Variants in VAMP7 observed in about 807,000 individuals in gnomAD.
The protein encoded by VAMP7 is vesicle associated membrane protein 7.
Under a neutral mutation model 29.6 loss-of-function variants are expected in VAMP7, and 14 were observed. That is an observed-to-expected ratio of 0.47 (90% CI 0.31 to 0.74). VAMP7 has a LOEUF of 0.74. VAMP7 is among the 30% of genes least tolerant of loss of function. The pLI, the probability that VAMP7 is intolerant of heterozygous loss-of-function variation, is 0.05. For missense variants in VAMP7, 223 were observed against 262.4 expected (o/e 0.85, Z 1.04); for synonymous variants, 95 against 88.1 (o/e 1.08, Z -0.44).
At chrX:155,903,848 A>G (rs1252192853) in intron 5 of VAMP7, among the ~76,000 whole-genome samples, 5 of 152,166 alleles carry the variant, frequency 3.3e-5, no homozygotes, top group Admixed American at 1.3e-4. Flanking sequence ...CAGCCATCCC[A>G]TTACTGGGTA....
intron 6 of VAMP7, among the ~76,000 whole-genome samples, chrX:155,928,195 A>G (rs1412843259): frequency 4.6e-5 from 7 of 152,136 alleles, no homozygotes; most frequent in Non-Finnish European, 1.0e-4. Context: ...AGTGCTGGAA[A>G]TACAGGCATG....
At chrX:155,903,342 A>C (rs2066096606) in intron 5 of VAMP7, among the ~76,000 whole-genome samples, 1 of 152,194 alleles carries the variant, frequency 6.6e-6, no homozygotes, top group Non-Finnish European at 1.5e-5. Context: ...AACAAAAGCC[A>C]AAATTGACAA....
chrX:155,932,914 G>C lies in VAMP7; in HGVS notation c.502-6787G>C, dbSNP rs180969120. Among the ~76,000 whole-genome samples the C allele has an allele frequency of 1.9e-3, 282 of 152,132 alleles. 1 individual carries two copies. The highest frequency in any genetic ancestry group is 6.7e-3 in the African/African-American group (276 of 41,496). On this transcript the variant is annotated intron_variant, in intron 6 of 7. Transcript: ENST00000286448. Reference sequence around the variant, plus strand: ...TTTATTGAGAGTTTTTAGCATGAAGGGCTGTTGAATTTTGTCAAAGGCCTT... The same window carrying C: ...TTTATTGAGAGTTTTTAGCATGAAGCGCTGTTGAATTTTGTCAAAGGCCTT...
intron 6 of VAMP7, among the ~76,000 whole-genome samples, chrX:155,935,625 G>A (rs1451693566): frequency 6.6e-6 from 1 of 151,812 alleles, no homozygotes; most frequent in Non-Finnish European, 1.5e-5. Context: ...AAGGTTTTTA[G>A]CTTCTTTGTG....
chrX:155,934,323 G>C (rs1302520275), intron 6 of VAMP7, among the ~76,000 whole-genome samples: 1 of 152,070 alleles, frequency 6.6e-6, no homozygotes, highest in Non-Finnish European at 1.5e-5. Context: ...CTTTATTATT[G>C]TATGGGAGTC....
chrX:155,892,175 T>C (rs1421109389), intron 2 of VAMP7, among the ~76,000 whole-genome samples: 1 of 152,204 alleles, frequency 6.6e-6, no homozygotes, highest in Non-Finnish European at 1.5e-5. Context: ...GTCTCTGATC[T>C]AGCTGTGTTA....
At chrX:155,902,601 G>A (rs1425232434) in intron 5 of VAMP7, among the ~76,000 whole-genome samples, 3 of 151,752 alleles carry the variant, frequency 2.0e-5, no homozygotes, top group Non-Finnish European at 2.9e-5. Flanking sequence ...TTTGTCAAAG[G>A]CCTTTTCTGC....
At chrX:155,938,524 T>C (rs1191106740) in intron 6 of VAMP7, among the ~76,000 whole-genome samples, 2 of 152,154 alleles carry the variant, frequency 1.3e-5, no homozygotes, top group Non-Finnish European at 2.9e-5. Flanking sequence ...AAAGTAAACA[T>C]ACCATGTAGA....
chrX:155,902,789 T>A (rs1215591137), intron 5 of VAMP7, among the ~76,000 whole-genome samples: 4 of 149,362 alleles, frequency 2.7e-5, no homozygotes, highest in African/African-American at 7.3e-5. Context: ...TATTGAGGAT[T>A]TTTGCATCAA....
At chrX:155,913,949 A>G (rs1344072820) in intron 5 of VAMP7, among the ~76,000 whole-genome samples, 5 of 152,172 alleles carry the variant, frequency 3.3e-5, no homozygotes, top group African/African-American at 1.2e-4. Context: ...CATTGAATCT[A>G]TAAATTACTT....
intron 6 of VAMP7, among the ~76,000 whole-genome samples, chrX:155,922,006 T>G (rs2066403098): frequency 6.6e-6 from 1 of 152,080 alleles, no homozygotes. Context: ...TTTTAGTTTT[T>G]GGTGTACAGG....
At chrX:155,928,966 TA>T (rs1386601767) in intron 6 of VAMP7, among the ~76,000 whole-genome samples, 1 of 152,226 alleles carries the variant, frequency 6.6e-6, no homozygotes, top group African/African-American at 2.4e-5. Flanking sequence ...TCTTTGTTTG[TA>T]GTATATCCTC....
Position 155,895,649 on chromosome X carries a change from A to T in VAMP7, c.173A>T (p.Asp58Val), listed in dbSNP as rs1277706821. The change falls in exon 3 of 8, where the codon GAC becomes GTC. Residue 58 changes from aspartate to valine, a missense_variant. Coordinates refer to ENST00000286448, the MANE Select transcript of VAMP7 (RefSeq NM_005638.6). ...TATTTGTTTCATTACATCTGCCAAG[A>T]CAGGATTGTATATCTTTGTATCACT... is the stretch of plus-strand genomic sequence containing the variant. ...GNYLFHYICQDRIVYLCITDD... is the reference protein window; with the variant it reads ...GNYLFHYICQVRIVYLCITDD... The T allele has an allele frequency of 1.9e-6, 3 of 1,610,940 alleles. No homozygotes were observed.
At chrX:155,899,192 T>A (rs999339016) in intron 4 of VAMP7, among the ~76,000 whole-genome samples, 2 of 151,856 alleles carry the variant, frequency 1.3e-5, no homozygotes, top group African/African-American at 4.8e-5. Context: ...GTAGGTGATG[T>A]GTAATTGAAA....
At chrX:155,895,725 T>C (rs749077083) in intron 3 of VAMP7, 45 bp downstream of exon 3, 1 of 1,538,628 alleles carries the variant, frequency 6.5e-7, no homozygotes, top group Non-Finnish European at 9.0e-7. Context: ...TGTGTACTGT[T>C]AATACAGCCA....
At chrX:155,917,104 G>A (rs1311500235) in intron 5 of VAMP7, among the ~76,000 whole-genome samples, 1 of 151,890 alleles carries the variant, frequency 6.6e-6, no homozygotes, top group Non-Finnish European at 1.5e-5. Flanking sequence ...ATTTCATTAA[G>A]TTGATCTACA....
At position 155,889,617 on chromosome X, in the gene VAMP7, G is replaced by A. The variant is rs1034307215; in HGVS notation, c.146+5G>A. The A allele has an allele frequency of 6.8e-6, 11 of 1,613,580 alleles. No individual in the cohort carries two copies. The highest frequency in any genetic ancestry group is 1.7e-5 in the Admixed American group (1 of 59,984). ...ACTAACGTACTCACATGGCAAGTGAGTTCTGTTCTGCATGTGGTAAGGGAT... is the reference window on the plus strand; with the variant it reads ...ACTAACGTACTCACATGGCAAGTGAATTCTGTTCTGCATGTGGTAAGGGAT... On this transcript the variant is annotated splice_donor_5th_base_variant and intron_variant, in intron 2 of 7. Coordinates refer to ENST00000286448, the MANE Select transcript of VAMP7 (RefSeq NM_005638.6).
intron 6 of VAMP7, among the ~76,000 whole-genome samples, chrX:155,923,008 A>G (rs1204556090): frequency 2.0e-5 from 3 of 151,900 alleles, no homozygotes. Context: ...GGTTTACAGT[A>G]TGTCTTTGAT....
intron 5 of VAMP7, among the ~76,000 whole-genome samples, chrX:155,910,416 T>C (rs1049493771): frequency 2.0e-5 from 3 of 152,230 alleles, no homozygotes; most frequent in Admixed American, 6.5e-5. Context: ...GCAATAAATA[T>C]GCAAGTGCAG....
Sources: gnomAD v4.1 joint callset for allele counts (sites outside exome capture counted in the v4.1 genomes callset) on GRCh38, gnomAD v4.1.1 for gene constraint, MANE v1.5 for transcripts, NCBI Gene and HGNC (gene_info 2026-07-23, HGNC 2026-07-21) for gene names.